IRAK2: variants seen among roughly 807,000 people sequenced by gnomAD.
IRAK2 encodes the protein interleukin-1 receptor-associated kinase-like 2.
A neutral mutation model predicts 72.0 loss-of-function variants in IRAK2; 57 were observed. That is an observed-to-expected ratio of 0.79 (90% CI 0.64 to 0.99). The LOEUF (loss-of-function observed/expected upper bound fraction) is 0.99. Among genes scored for constraint, IRAK2 ranks in the 50% least tolerant of loss-of-function variants. The probability of loss-of-function intolerance (pLI) is 0.00; values close to 1 mark genes in which losing one functional copy is unlikely to be tolerated. For synonymous variants in IRAK2, 293 were observed against 312.7 expected (o/e 0.94, Z 0.67); for missense variants, 790 against 794.4 (o/e 0.99, Z 0.07).
At chr3:10,191,905 A>G (rs1697181330) in intron 2 of IRAK2, among the ~76,000 whole-genome samples, 2 of 152,184 alleles carry the variant, frequency 1.3e-5, no homozygotes, top group Non-Finnish European at 2.9e-5. Flanking sequence ...AATGAGAAAG[A>G]ATGAGTCATT....
At position 10,213,501 on chromosome 3, in the gene IRAK2, A is replaced by G; in HGVS notation, c.741A>G (p.Pro247=). The change falls in exon 6 of 13, where the codon CCA becomes CCG. Residue 247 remains proline (P), a synonymous_variant. Transcript: ENST00000256458. The stretch of plus-strand genomic sequence containing the variant: ...CTCTACAGACAGCCTGTTCAAGTCC[A>G]GGATCAATCGAAAGATTCTTCCAGG... ...KKLRETACSS[P]GSIERFFQAE... 6.2e-7 allele frequency: 1 copy of G among 1,614,168 alleles called. No homozygotes were observed. Among genetic ancestry groups the G allele is most frequent in the Non-Finnish European group, 8.5e-7 (1 of 1,180,004 alleles).
chr3:10,200,654 C>T (rs1697344676), intron 3 of IRAK2, 139 bp downstream of exon 3: 8 of 663,482 alleles, frequency 1.2e-5, no homozygotes, highest in Middle Eastern at 4.9e-4. Context: ...ATCCCAGCTC[C>T]GTGAGGCTGA....
At chr3:10,205,164 G>A (rs1697416418) in intron 3 of IRAK2, among the ~76,000 whole-genome samples, 1 of 152,162 alleles carries the variant, frequency 6.6e-6, no homozygotes, top group Admixed American at 6.6e-5. Context: ...TTGATAGCTG[G>A]AGAATTCCTT....
At chr3:10,185,737 G>A (rs1411498517) in intron 2 of IRAK2, among the ~76,000 whole-genome samples, 3 of 151,264 alleles carry the variant, frequency 2.0e-5, no homozygotes, top group Non-Finnish European at 2.9e-5. Context: ...TAGGCCAGGC[G>A]TGGTGGCTCA....
rs531096790 is a variant in IRAK2 at position 10,180,502 on chromosome 3, G to A, written c.277+2482G>A. ...AATAGGAAGAAGACAGCCACATGACGCATTGGGTAAGAGCTCAGGAGAGAG... is the reference window on the plus strand; with the variant it reads ...AATAGGAAGAAGACAGCCACATGACACATTGGGTAAGAGCTCAGGAGAGAG... On this transcript the variant is annotated intron_variant, in intron 2 of 12. Transcript: ENST00000256458. Among the ~76,000 whole-genome samples the A allele has an allele frequency of 1.0e-3, 154 of 152,224 alleles. 1 individual carries two copies. The highest frequency in any genetic ancestry group is 3.5e-3 in the African/African-American group (146 of 41,554).
intron 9 of IRAK2, among the ~76,000 whole-genome samples, chr3:10,223,517 G>T (rs558253675): frequency 5.3e-5 from 8 of 152,206 alleles, no homozygotes; most frequent in Admixed American, 3.9e-4. Flanking sequence ...GTGTTAAAAG[G>T]GTTTGTGCCC....
At chr3:10,230,408 G>A (rs1026516488) in intron 10 of IRAK2, among the ~76,000 whole-genome samples, 1 of 151,844 alleles carries the variant, frequency 6.6e-6, no homozygotes, top group African/African-American at 2.4e-5. Flanking sequence ...CTGTCACCTC[G>A]AACTCCTGGG....
At chr3:10,230,210 AATAG>A (rs1172114098) in intron 10 of IRAK2, among the ~76,000 whole-genome samples, 3 of 152,182 alleles carry the variant, frequency 2.0e-5, no homozygotes, top group South Asian at 4.1e-4. Context: ...TTTTGCTAAA[AATAG>A]ATGGATGAAT....
intron 10 of IRAK2, among the ~76,000 whole-genome samples, chr3:10,231,752 G>A (rs772703318): frequency 1.4e-4 from 22 of 152,100 alleles, no homozygotes; most frequent in Non-Finnish European, 2.9e-4. Flanking sequence ...CTGGGCTTAA[G>A]CATTCGCCTG....
chr3:10,218,072 A>G (rs67180243), intron 7 of IRAK2, among the ~76,000 whole-genome samples: 46,573 of 152,110 alleles, frequency 0.31, 8,170 homozygotes, highest in Admixed American at 0.4. Context: ...AGAAGAAATT[A>G]GCAGGGGCTG....
At chr3:10,230,563 G>T (rs1697844775) in intron 10 of IRAK2, among the ~76,000 whole-genome samples, 1 of 152,004 alleles carries the variant, frequency 6.6e-6, no homozygotes, top group Non-Finnish European at 1.5e-5. Context: ...AACAATATAT[G>T]TTAACTATTA....
intron 7 of IRAK2, among the ~76,000 whole-genome samples, chr3:10,218,363 G>A (rs1040934152): frequency 2.0e-5 from 3 of 150,864 alleles, no homozygotes; most frequent in African/African-American, 7.3e-5. Flanking sequence ...GGCAGAGGTT[G>A]CGGTGAGCCG....
At chr3:10,216,077 T>C (rs1212566034) in intron 6 of IRAK2, among the ~76,000 whole-genome samples, 4 of 152,116 alleles carry the variant, frequency 2.6e-5, no homozygotes, top group African/African-American at 9.7e-5. Context: ...CAGGAGGCCA[T>C]TTACAGCAGT....
chr3:10,233,807 AGG>A (rs1271256996), intron 10 of IRAK2, among the ~76,000 whole-genome samples: 7 of 152,182 alleles, frequency 4.6e-5, no homozygotes, highest in Non-Finnish European at 8.8e-5. Flanking sequence ...TCTGTGCTTT[AGG>A]TGCACTGTTT....
chr3:10,198,881 G>C (rs1697312508), intron 2 of IRAK2, among the ~76,000 whole-genome samples: 1 of 152,082 alleles, frequency 6.6e-6, no homozygotes, highest in Non-Finnish European at 1.5e-5. Flanking sequence ...AGCCCTTCCT[G>C]GGACTTCAGT....
chr3:10,227,768 A>C (rs1283546483), intron 10 of IRAK2, among the ~76,000 whole-genome samples: 5 of 151,206 alleles, frequency 3.3e-5, no homozygotes, highest in African/African-American at 1.2e-4. Flanking sequence ...TCCCGGGTTC[A>C]TGCCATTCTT....
chr3:10,201,549 ACTCACATCC>A (rs1271317283), intron 3 of IRAK2, among the ~76,000 whole-genome samples: 1 of 152,166 alleles, frequency 6.6e-6, no homozygotes, highest in Admixed American at 6.5e-5. Context: ...TGATTTGAAC[ACTCACATCC>A]CTAAGCATCA....
At chr3:10,171,005 C>T (rs530283854) in intron 1 of IRAK2, among the ~76,000 whole-genome samples, 6 of 152,290 alleles carry the variant, frequency 3.9e-5, no homozygotes, top group African/African-American at 7.2e-5. Context: ...GTAGTGAGAA[C>T]GCTAAAGTGA....
At chr3:10,178,049 G>A in intron 2 of IRAK2, 29 bp downstream of exon 2, 1 of 1,552,080 alleles carries the variant, frequency 6.4e-7, no homozygotes, top group East Asian at 2.3e-5. Context: ...TCCTTGAGTG[G>A]GGCCCATCAC....
Sources: allele counts gnomAD v4.1 joint callset (sites outside exome capture counted in the v4.1 genomes callset), GRCh38; gene constraint gnomAD v4.1.1; transcripts MANE v1.5; gene names NCBI Gene and HGNC (gene_info 2026-07-23, HGNC 2026-07-21).